ELOVL6: variants seen among roughly 807,000 people sequenced by gnomAD.
ELOVL6 encodes the protein very long chain fatty acid elongase 6.
ELOVL6 carries 8 observed loss-of-function variants against 31.7 expected under a neutral mutation model. That is an observed-to-expected ratio of 0.25 (90% CI 0.15 to 0.45). The LOEUF is 0.45. Ranked by LOEUF, ELOVL6 falls within the 20% of genes least tolerant of loss-of-function variation. The pLI is 1.00. For missense variants in ELOVL6, 126 were observed against 326.4 expected, an observed-to-expected ratio of 0.39 and a Z score of 4.73; for synonymous variants, 101 against 117.7, an observed-to-expected ratio of 0.86 and a Z score of 0.92.
rs371687507 is a variant in ELOVL6, at chr4:110,045,920, G to C, written c.*5418C>G. On this transcript the variant is annotated 3_prime_UTR_variant, in exon 4 of 4. Coordinates refer to ENST00000302274, the MANE Select transcript of ELOVL6 (RefSeq NM_024090.3). ...AGGAAAAAATATTTTTTTTAATGTCGTGAAATAAGCACTTGAAAATAACAA... is the reference window on the plus strand; with the variant it reads ...AGGAAAAAATATTTTTTTTAATGTCCTGAAATAAGCACTTGAAAATAACAA... 2 of 151,812 alleles carry C rather than the reference G, an allele frequency of 1.3e-5. No homozygotes were observed. Among genetic ancestry groups the C allele is most frequent in the African/African-American group, 4.8e-5 (2 of 41,282 alleles). 9.4% of individuals were successfully genotyped at this position (151,812 alleles called of 1,614,324 possible).
chr4:110,143,386 C>T (rs377086900), intron 1 of ELOVL6, among the ~76,000 whole-genome samples: 9 of 151,718 alleles, frequency 5.9e-5, no homozygotes, highest in African/African-American at 9.7e-5. Flanking sequence ...TTTTCAATGG[C>T]GCTCCTGCAT....
intron 2 of ELOVL6, among the ~76,000 whole-genome samples, chr4:110,096,384 T>A (rs989551032): frequency 6.6e-6 from 1 of 152,196 alleles, no homozygotes; most frequent in African/African-American, 2.4e-5. Flanking sequence ...AAGAATTCAG[T>A]TAGGGTCACT....
chr4:110,177,002 G>A (rs764593032), intron 1 of ELOVL6, among the ~76,000 whole-genome samples: 4 of 152,190 alleles, frequency 2.6e-5, no homozygotes, highest in Admixed American at 6.5e-5. Context: ...CCCAAAGTGC[G>A]AGATTACAGG....
chr4:110,089,890 G>A (rs765185970), intron 2 of ELOVL6, among the ~76,000 whole-genome samples: 9 of 152,180 alleles, frequency 5.9e-5, no homozygotes, highest in African/African-American at 7.2e-5. Context: ...AGGATGAGCA[G>A]AATAGTTACT....
intron 2 of ELOVL6, among the ~76,000 whole-genome samples, chr4:110,095,340 G>C (rs1756549739): frequency 6.6e-6 from 1 of 152,100 alleles, no homozygotes; most frequent in African/African-American, 2.4e-5. Flanking sequence ...AAATTAGCTG[G>C]GCGTGGTGGC....
intron 1 of ELOVL6, among the ~76,000 whole-genome samples, chr4:110,121,676 G>A (rs569317343): frequency 6.6e-6 from 1 of 152,220 alleles, no homozygotes; most frequent in Non-Finnish European, 1.5e-5. Context: ...TCCAGCCTGG[G>A]CGACAGATCG....
At chr4:110,142,120 G>A (rs996483027) in intron 1 of ELOVL6, among the ~76,000 whole-genome samples, 4 of 140,840 alleles carry the variant, frequency 2.8e-5, no homozygotes, top group Admixed American at 7.3e-5. Flanking sequence ...ACCCAGGCTG[G>A]AGTGCAGTGG....
At chr4:110,150,992 A>C (rs1758263336) in intron 1 of ELOVL6, among the ~76,000 whole-genome samples, 1 of 152,028 alleles carries the variant, frequency 6.6e-6, no homozygotes, top group Non-Finnish European at 1.5e-5. Context: ...GCAGTGAGCC[A>C]AGATCGTGCC....
intron 2 of ELOVL6, among the ~76,000 whole-genome samples, chr4:110,099,150 A>G (rs1333518344): frequency 7.2e-5 from 11 of 152,146 alleles, no homozygotes; most frequent in Admixed American, 6.5e-4. Context: ...AAATAAGGTA[A>G]TTGCCAATAA....
At chr4:110,077,447 G>A (rs1262688282) in intron 2 of ELOVL6, among the ~76,000 whole-genome samples, 1 of 152,148 alleles carries the variant, frequency 6.6e-6, no homozygotes, top group Non-Finnish European at 1.5e-5. Context: ...CCGCTGTTCT[G>A]CAGCCTCCAC....
chr4:110,135,170 T>C (rs1351001742), intron 1 of ELOVL6, among the ~76,000 whole-genome samples: 1 of 152,174 alleles, frequency 6.6e-6, no homozygotes, highest in Non-Finnish European at 1.5e-5. Flanking sequence ...TTTAAAATAA[T>C]CTGAAGGTAC....
At chr4:110,095,719 G>A (rs1335752067) in intron 2 of ELOVL6, among the ~76,000 whole-genome samples, 4 of 152,156 alleles carry the variant, frequency 2.6e-5, no homozygotes, top group African/African-American at 9.7e-5. Context: ...ATATCCTTGG[G>A]TAGAGGAAAC....
chr4:110,135,482 C>T (rs565343391), intron 1 of ELOVL6, among the ~76,000 whole-genome samples: 7 of 152,154 alleles, frequency 4.6e-5, no homozygotes, highest in African/African-American at 9.6e-5. Flanking sequence ...TTGGCAAATA[C>T]GAGAAAAGGT....
chr4:110,059,836 G>T, intron 2 of ELOVL6, 82 bp from the exon 3 acceptor site: 1 of 1,304,182 alleles, frequency 7.7e-7, no homozygotes. Context: ...AAGACTGGTT[G>T]GCCACTGGCA....
At chr4:110,158,665 T>A (rs1161900388) in intron 1 of ELOVL6, among the ~76,000 whole-genome samples, 22 of 103,628 alleles carry the variant, frequency 2.1e-4, no homozygotes, top group Admixed American at 7.1e-4. Context: ...ATATTTTTTT[T>A]TTTTTTTTTT....
At chr4:110,114,282 G>C (rs1414085176) in intron 1 of ELOVL6, among the ~76,000 whole-genome samples, 1 of 151,974 alleles carries the variant, frequency 6.6e-6, no homozygotes, top group Non-Finnish European at 1.5e-5. Flanking sequence ...AAATTTTATT[G>C]GGCTTGAAGT....
chr4:110,166,066 GCTGAT>G (rs1292769000), intron 1 of ELOVL6, among the ~76,000 whole-genome samples: 1 of 152,150 alleles, frequency 6.6e-6, no homozygotes, highest in Admixed American at 6.5e-5. Context: ...CCAGCTCAGA[GCTGAT>G]CTGGAGGAAA....
In ELOVL6 at chr4:110,117,906, ATATATAT is replaced by A. The variant is rs1560830509; in HGVS notation, c.90-12285_90-12279del. 1.9e-3 allele frequency: 44 copies of A among 22,884 alleles called. 5 individuals are homozygous for A. The highest frequency in any genetic ancestry group is 7.8e-3 in the African/African-American group (43 of 5,504). The allele number at this position is 22,884 out of a possible 1,614,324, so 1.4% of individuals were successfully genotyped here. On this transcript the variant is annotated intron_variant, in intron 1 of 3. Coordinates refer to ENST00000302274, the MANE Select transcript of ELOVL6 (RefSeq NM_024090.3). Reference sequence around the variant, plus strand: ...CAAAAAAAAAAAAAAAAAAAAAAATATATATATATATATATATATCTCCCCAGAGAGG... The same window carrying A: ...CAAAAAAAAAAAAAAAAAAAAAAATAATATATATATATCTCCCCAGAGAGG...
intron 2 of ELOVL6, among the ~76,000 whole-genome samples, chr4:110,062,028 AT>A (rs1415572385): frequency 6.6e-6 from 1 of 152,100 alleles, no homozygotes; most frequent in African/African-American, 2.4e-5. Context: ...TCAAATATTT[AT>A]TGGCATGGTT....
Sources: allele counts gnomAD v4.1 joint callset (sites outside exome capture counted in the v4.1 genomes callset), GRCh38; gene constraint gnomAD v4.1.1; transcripts MANE v1.5; gene names NCBI Gene and HGNC (gene_info 2026-07-23, HGNC 2026-07-21).